The following NUP58 variants were observed in gnomAD, a reference collection of about 807,000 sequenced individuals.
The protein encoded by NUP58 is nucleoporin 58, also known as nucleoporin p58/p45.
In NUP58, 17 loss-of-function variants were observed where a neutral mutation model predicts 70.1. The observed-to-expected ratio is 0.24, with a 90% CI of 0.17 to 0.36. The LOEUF (loss-of-function observed/expected upper bound fraction) is 0.36, where lower values mean the gene tolerates loss of function less well. Ranked by LOEUF, NUP58 falls within the 10% of genes least tolerant of loss-of-function variation. The probability of loss-of-function intolerance (pLI) is 1.00; values close to 1 mark genes in which losing one functional copy is unlikely to be tolerated. For synonymous variants in NUP58, 275 were observed against 257.6 expected (o/e 1.07, Z -0.65); for missense variants, 644 against 701.5 (o/e 0.92, Z 0.93).
chr13:25,311,272 G>T (rs969919039), intron 3 of NUP58, among the ~76,000 whole-genome samples: 3 of 152,184 alleles, frequency 2.0e-5, no homozygotes, highest in Non-Finnish European at 2.9e-5. Context: ...GGTATATGTC[G>T]TGCCTTTAGA....
chr13:25,338,522 T>C, intron 14 of NUP58, 114 bp from the exon 15 acceptor site: 1 of 660,228 alleles, frequency 1.5e-6, no homozygotes, highest in Non-Finnish European at 2.7e-6. Flanking sequence ...AATAAGGCCA[T>C]GTTTTTCAGC....
At chr13:25,336,532 C>CAA (rs979347129) in intron 13 of NUP58, among the ~76,000 whole-genome samples, 11 of 152,002 alleles carry the variant, frequency 7.2e-5, no homozygotes, top group Non-Finnish European at 1.6e-4. Context: ...AAGTAAAAAC[C>CAA]ATTTACTGAT....
intron 6 of NUP58, among the ~76,000 whole-genome samples, chr13:25,318,954 G>A (rs2031061757): frequency 6.6e-6 from 1 of 152,220 alleles, no homozygotes; most frequent in African/African-American, 2.4e-5. Flanking sequence ...TTTCACGGAA[G>A]ATGGTTGAGA....
Position 25,334,618 on chromosome 13 carries a change from G to T in NUP58, c.1436-2318G>T, listed in dbSNP as rs2031719529. ...GAAAACGCATTTTAGGTTTTTTAAA[G>T]AAAAATTATTTTAAAATGTGACTTA... On this transcript the variant is annotated intron_variant, in intron 13 of 15. Coordinates refer to ENST00000381736, the MANE Select transcript of NUP58 (RefSeq NM_014089.4). 1.6e-5 allele frequency: 16 copies of T among 982,470 alleles called. No individual in the cohort carries two copies. In the South Asian group the frequency reaches 3.3e-4, roughly 20 times the overall value. 60.9% of individuals were successfully genotyped at this position (982,470 alleles called of 1,614,324 possible).
At chr13:25,309,355 C>A in intron 3 of NUP58, 73 bp downstream of exon 3, 1 of 1,099,160 alleles carries the variant, frequency 9.1e-7, no homozygotes, top group Non-Finnish European at 1.3e-6. Flanking sequence ...GATCTTTCTA[C>A]TCTTCTCTCT....
chr13:25,335,882 T>C, intron 13 of NUP58: 1 of 1,079,604 alleles, frequency 9.3e-7, no homozygotes, highest in Non-Finnish European at 1.1e-6. Flanking sequence ...AAAAAGACAA[T>C]ACTGAAGATT....
In NUP58 at chr13:25,301,643, G is replaced by T. The variant is rs2029993575; in HGVS notation, c.-131G>T. 2.1e-6 allele frequency: 1 copy of T among 470,732 alleles called. No individual in the cohort carries two copies. The highest frequency in any genetic ancestry group is 3.5e-5 in the East Asian group (1 of 28,174). The allele number at this position is 470,732 out of a possible 1,614,324, so 29.2% of individuals were successfully genotyped here. ...CCCCCTCAGCCTTGCCTTCGCCGCC[G>T]TTGGGGCTGGAAGTTCCCGCCAGGT... On this transcript the variant is annotated 5_prime_UTR_variant, in exon 1 of 16. Coordinates refer to ENST00000381736, the MANE Select transcript of NUP58 (RefSeq NM_014089.4).
At chr13:25,345,412 A>T (rs145623495), downstream of NUP58, among the ~76,000 whole-genome samples, 878 of 152,266 alleles carry the variant, frequency 5.8e-3, 8 homozygotes, top group African/African-American at 0.02. Context: ...TAAGGTAAGT[A>T]CCTAGGTCTA....
At chr13:25,317,977 C>A (rs549308558) in intron 6 of NUP58, among the ~76,000 whole-genome samples, 1 of 150,080 alleles carries the variant, frequency 6.7e-6, no homozygotes, top group Non-Finnish European at 1.5e-5. Flanking sequence ...GATTGTCCTA[C>A]GTTAACCTCC....
At chr13:25,303,289 T>C (rs1593170576) in intron 1 of NUP58, 2 of 364,138 alleles carry the variant, frequency 5.5e-6, no homozygotes, top group East Asian at 1.4e-4. Context: ...TGGGGACTCA[T>C]CTTGAGCGGG....
chr13:25,320,414 T>C, intron 7 of NUP58, 116 bp from the exon 8 acceptor site: 1 of 634,606 alleles, frequency 1.6e-6, no homozygotes. Flanking sequence ...AGAGAAGCCA[T>C]ACGTGCTTTT....
intron 14 of NUP58, 88 bp downstream of exon 14, chr13:25,337,122 C>T: frequency 1.3e-6 from 1 of 763,288 alleles, no homozygotes; most frequent in Non-Finnish European, 2.0e-6. Context: ...AAGAGAATCT[C>T]CTGCTATTTT....
intron 13 of NUP58, chr13:25,335,329 T>TA (rs1299902104): frequency 4.1e-6 from 4 of 985,406 alleles, no homozygotes; most frequent in Admixed American, 1.2e-4. Flanking sequence ...GAGTAACTCT[T>TA]ACGACTTACA....
At chr13:25,320,852 T>C in intron 8 of NUP58, 67 bp from the exon 9 acceptor site, 1 of 1,018,574 alleles carries the variant, frequency 9.8e-7, no homozygotes, top group Non-Finnish European at 1.4e-6. Context: ...GTTTTAAGTA[T>C]ATATATATTT....
intron 12 of NUP58, among the ~76,000 whole-genome samples, chr13:25,330,414 G>T (rs1468073687): frequency 6.6e-6 from 1 of 152,216 alleles, no homozygotes; most frequent in Non-Finnish European, 1.5e-5. Context: ...CACAAAAAGG[G>T]CGATGATAGC....
chr13:25,347,333 A>C (rs564235490), downstream of NUP58, among the ~76,000 whole-genome samples: 85 of 152,310 alleles, frequency 5.6e-4, no homozygotes, highest in Admixed American at 2.7e-3. Context: ...ACTTCTGCTC[A>C]TACCACATTG....
chr13:25,319,432 G>A lies in NUP58; in HGVS notation c.710+82G>A, dbSNP rs1010463836. On this transcript the variant is annotated intron_variant, in intron 7 of 15. Transcript: ENST00000381736. ...TTGTAGGCAGATGGTATAATTGAAA[G>A]TAAATATCATATACATTTAGGAGAA... 20 of 1,297,448 alleles carry A rather than the reference G, an allele frequency of 1.5e-5. 1 individual carries two copies. In the Admixed American group the frequency reaches 2.6e-4, roughly 17 times the overall value. The allele number at this position is 1,297,448 out of a possible 1,614,324, so 80.4% of individuals were successfully genotyped here. A position where few individuals can be genotyped will look rare whatever the true frequency, so the allele number is the denominator to read the frequency against.
chr13:25,310,823 A>C (rs1245119972), intron 3 of NUP58, among the ~76,000 whole-genome samples: 2 of 151,992 alleles, frequency 1.3e-5, no homozygotes, highest in Non-Finnish European at 2.9e-5. Flanking sequence ...ACATTTCTTT[A>C]TTTAATATTG....
At chr13:25,312,794 A>G (rs4341628) in intron 3 of NUP58, 89 bp from the exon 4 acceptor site, 1,297,903 of 1,311,780 alleles carry the variant, frequency 0.99, 643,094 homozygotes, top group East Asian at 1. Flanking sequence ...TGAACTTTTA[A>G]GGATCCTTAT....
Sources: allele counts gnomAD v4.1 joint callset (sites outside exome capture counted in the v4.1 genomes callset), GRCh38; gene constraint gnomAD v4.1.1; transcripts MANE v1.5; gene names NCBI Gene and HGNC (gene_info 2026-07-23, HGNC 2026-07-21).